The following SMAP2 variants were observed in gnomAD, a reference collection of about 807,000 sequenced individuals.
SMAP2 encodes small ArfGAP2, also known as stromal membrane-associated protein 2.
SMAP2 carries 25 observed loss-of-function variants against 56.4 expected under a neutral mutation model. The ratio of observed to expected loss-of-function variants is 0.44; its 90% CI spans 0.32 to 0.62. The LOEUF (loss-of-function observed/expected upper bound fraction) is 0.62. SMAP2 is among the 20% of genes least tolerant of loss of function. The pLI, the probability that SMAP2 is intolerant of heterozygous loss-of-function variation, is 0.04. For synonymous variants in SMAP2, 157 were observed against 181.7 expected, an observed-to-expected ratio of 0.86 and a Z score of 1.09; for missense variants, 388 against 545.6, an observed-to-expected ratio of 0.71 and a Z score of 2.88.
intron 2 of SMAP2, among the ~76,000 whole-genome samples, chr1:40,407,313 C>T (rs1644894716): frequency 6.6e-6 from 1 of 152,004 alleles, no homozygotes; most frequent in African/African-American, 2.4e-5. Flanking sequence ...AGTGAGACAC[C>T]TGTCTCTACA....
At chr1:40,358,841 T>A (rs1644448041) in intron 1 of SMAP2, among the ~76,000 whole-genome samples, 1 of 152,204 alleles carries the variant, frequency 6.6e-6, no homozygotes, top group Non-Finnish European at 1.5e-5. Context: ...TAGCTATTAA[T>A]GTATTGGGGT....
At chr1:40,384,558 T>A (rs550435135) in intron 1 of SMAP2, among the ~76,000 whole-genome samples, 1 of 152,062 alleles carries the variant, frequency 6.6e-6, no homozygotes, top group Non-Finnish European at 1.5e-5. Context: ...ATTTGGGCCC[T>A]TGCTATATTA....
chr1:40,400,570 G>A (rs1372681954), intron 1 of SMAP2, among the ~76,000 whole-genome samples: 5 of 152,186 alleles, frequency 3.3e-5, no homozygotes, highest in Admixed American at 3.3e-4. Flanking sequence ...GGTGATGTGG[G>A]GGCTGAAGGA....
chr1:40,404,481 G>T (rs189998), intron 1 of SMAP2, among the ~76,000 whole-genome samples: 1 of 152,186 alleles, frequency 6.6e-6, no homozygotes, highest in Admixed American at 6.5e-5. Context: ...CTTTAAGTAC[G>T]CTGGAGTGGG....
chr1:40,371,839 AATAATCTTGTGAAATAGGT>A (rs1644497793), upstream of SMAP2, among the ~76,000 whole-genome samples: 2 of 152,242 alleles, frequency 1.3e-5, no homozygotes, highest in Non-Finnish European at 2.9e-5. Flanking sequence ...TAAGCCTCAT[AATAATCTTGTGAAATAGGT>A]ACTATTAATG....
chr1:40,363,593 T>C (rs987944099), intron 2 of SMAP2, among the ~76,000 whole-genome samples: 1 of 152,054 alleles, frequency 6.6e-6, no homozygotes, highest in African/African-American at 2.4e-5. Context: ...GAACACCAAA[T>C]TGAACAACTA....
exon 2 of SMAP2, chr1:40,362,340 T>C (rs1644463585): frequency 1.3e-5 from 2 of 152,232 alleles, no homozygotes; most frequent in African/African-American, 4.8e-5. Context: ...TCTATCAAAG[T>C]TGTCTCTTAG....
intron 1 of SMAP2, among the ~76,000 whole-genome samples, chr1:40,395,400 G>T (rs954295351): frequency 6.6e-6 from 1 of 152,118 alleles, no homozygotes; most frequent in African/African-American, 2.4e-5. Context: ...ATAAACCAAT[G>T]GCCAGGCCCA....
intron 1 of SMAP2, chr1:40,375,871 C>A: frequency 1.6e-6 from 1 of 632,118 alleles, no homozygotes; most frequent in Non-Finnish European, 2.0e-6. Context: ...TACTCATATT[C>A]CAATAAAATA....
At chr1:40,398,841 C>T (rs955260420) in intron 1 of SMAP2, among the ~76,000 whole-genome samples, 9 of 152,140 alleles carry the variant, frequency 5.9e-5, no homozygotes, top group African/African-American at 1.9e-4. Context: ...AATGTTGCTT[C>T]CCTGCTATGT....
chr1:40,418,868 A>T (rs1645015073), intron 9 of SMAP2, among the ~76,000 whole-genome samples: 1 of 152,236 alleles, frequency 6.6e-6, no homozygotes, highest in South Asian at 2.1e-4. Flanking sequence ...AACTCAGAGA[A>T]TATCACACTT....
intron 9 of SMAP2, among the ~76,000 whole-genome samples, chr1:40,419,944 T>C (rs1455692393): frequency 6.6e-6 from 1 of 152,222 alleles, no homozygotes; most frequent in Non-Finnish European, 1.5e-5. Context: ...GTAGCTCTGG[T>C]CTTTGAAGGT....
chr1:40,380,768 G>A (rs555612953), intron 1 of SMAP2, among the ~76,000 whole-genome samples: 2 of 152,200 alleles, frequency 1.3e-5, no homozygotes, highest in Admixed American at 1.3e-4. Flanking sequence ...GACCTCAGGT[G>A]ATCGCCCACC....
At chr1:40,351,648 C>T (rs1421526641) in intron 1 of SMAP2, among the ~76,000 whole-genome samples, 1 of 152,058 alleles carries the variant, frequency 6.6e-6, no homozygotes, top group Non-Finnish European at 1.5e-5. Context: ...GGATTACAGG[C>T]GTGCACCACC....
At chr1:40,360,460 G>A (rs530739568) in intron 1 of SMAP2, among the ~76,000 whole-genome samples, 34 of 151,884 alleles carry the variant, frequency 2.2e-4, no homozygotes, top group South Asian at 6.2e-4. Context: ...CCACTACCAC[G>A]CCTGGCTAAT....
chr1:40,412,992 C>T, intron 4 of SMAP2, 24 bp from the exon 5 acceptor site: 1 of 1,570,964 alleles, frequency 6.4e-7, no homozygotes, highest in Non-Finnish European at 8.7e-7. Context: ...GCCCTGTGTT[C>T]TTTGTCTTGT....
intron 1 of SMAP2, among the ~76,000 whole-genome samples, chr1:40,376,572 T>C (rs1016592699): frequency 6.6e-6 from 1 of 152,242 alleles, no homozygotes; most frequent in African/African-American, 2.4e-5. Flanking sequence ...GCCCTCTCAC[T>C]CTTTTTCCCC....
intron 1 of SMAP2, among the ~76,000 whole-genome samples, chr1:40,358,559 A>G (rs751742142): frequency 1.3e-5 from 2 of 152,138 alleles, no homozygotes. Flanking sequence ...AAAACAAAAC[A>G]AAAAACACAC....
intron 1 of SMAP2, among the ~76,000 whole-genome samples, chr1:40,405,690 G>A (rs188461373): frequency 1.6e-4 from 25 of 152,230 alleles, no homozygotes; most frequent in African/African-American, 6.0e-4. Context: ...TGCCAAGTGG[G>A]ATAATGGAGA....
Sources: gnomAD v4.1 joint callset for allele counts (sites outside exome capture counted in the v4.1 genomes callset) on GRCh38, gnomAD v4.1.1 for gene constraint, MANE v1.5 for transcripts, NCBI Gene and HGNC (gene_info 2026-07-23, HGNC 2026-07-21) for gene names.